Variants in EBF1 observed in about 807,000 individuals in gnomAD.
The protein encoded by EBF1 is EBF transcription factor 1.
In EBF1, 10 loss-of-function variants were observed where a neutral mutation model predicts 68.4. The observed-to-expected ratio is 0.15, with a 90% CI of 0.09 to 0.25. EBF1 has a LOEUF of 0.25. Ranked by LOEUF, EBF1 falls within the 10% of genes least tolerant of loss-of-function variation. The pLI is 1.00. For synonymous variants in EBF1, 298 were observed against 299.8 expected (o/e 0.99, Z 0.06); for missense variants, 509 against 794.4 (o/e 0.64, Z 4.32).
intron 7 of EBF1, among the ~76,000 whole-genome samples, chr5:158,831,336 A>G (rs951572956): frequency 3.3e-5 from 5 of 152,194 alleles, no homozygotes; most frequent in Admixed American, 2.6e-4. Flanking sequence ...CCCATCACTT[A>G]CTTGCTTGTA....
chr5:158,873,008 T>G (rs967027145), intron 6 of EBF1, among the ~76,000 whole-genome samples: 2 of 143,268 alleles, frequency 1.4e-5, no homozygotes, highest in African/African-American at 5.3e-5. Flanking sequence ...TTTTTTTTTT[T>G]TTTTTTTTTT....
chr5:158,979,267 T>C (rs1185690251), intron 6 of EBF1, among the ~76,000 whole-genome samples: 4 of 152,230 alleles, frequency 2.6e-5, no homozygotes, highest in Non-Finnish European at 5.9e-5. Context: ...TAGATAGGTA[T>C]ATTACACATT....
rs1014980440 is a variant in EBF1 at position 159,051,110 on chromosome 5, C to A, written c.554+22286G>T. Among the ~76,000 whole-genome samples the A allele has an allele frequency of 8.5e-5, 13 of 152,144 alleles. No homozygotes were observed. The East Asian group carries it at 2.5e-3, about 29-fold the overall frequency. ...CCTCTTAAAGGGATAGGAGAAGTCT[C>A]CTAACCAAGTAACCTATGAAAAACT... is the stretch of plus-strand genomic sequence containing the variant. On this transcript the variant is annotated intron_variant, in intron 6 of 15. Transcript: ENST00000313708.
At chr5:159,088,375 A>G (rs1781081826) in intron 4 of EBF1, among the ~76,000 whole-genome samples, 1 of 152,134 alleles carries the variant, frequency 6.6e-6, no homozygotes, top group Admixed American at 6.6e-5. Flanking sequence ...CAATTTTACC[A>G]TCTACATTTA....
At chr5:159,077,038 A>G (rs1011194738) in intron 5 of EBF1, among the ~76,000 whole-genome samples, 1 of 152,248 alleles carries the variant, frequency 6.6e-6, no homozygotes, top group African/African-American at 2.4e-5. Flanking sequence ...AAATGAAAGC[A>G]TGAAAGAGTG....
intron 15 of EBF1, among the ~76,000 whole-genome samples, chr5:158,706,405 C>T (rs1318783112): frequency 6.6e-6 from 1 of 152,010 alleles, no homozygotes; most frequent in East Asian, 1.9e-4. Context: ...GCTTGTGTTC[C>T]AGTTTAGCTG....
At chr5:158,896,444 A>G (rs1802196564) in intron 6 of EBF1, among the ~76,000 whole-genome samples, 1 of 152,212 alleles carries the variant, frequency 6.6e-6, no homozygotes, top group Non-Finnish European at 1.5e-5. Context: ...ACCATTTCTG[A>G]AGACCTGTAA....
At chr5:158,972,179 C>G (rs1194655118) in intron 6 of EBF1, among the ~76,000 whole-genome samples, 1 of 152,178 alleles carries the variant, frequency 6.6e-6, no homozygotes, top group Non-Finnish European at 1.5e-5. Flanking sequence ...ATTGTCTTTC[C>G]TGCCCACCTC....
intron 6 of EBF1, among the ~76,000 whole-genome samples, chr5:158,957,326 A>G (rs190465095): frequency 1.3e-5 from 2 of 152,362 alleles, no homozygotes; most frequent in Non-Finnish European, 1.5e-5. Flanking sequence ...TGGAATTTAA[A>G]TGACAAAGAT....
intron 6 of EBF1, among the ~76,000 whole-genome samples, chr5:159,035,034 T>C (rs573074336): frequency 6.6e-6 from 1 of 152,136 alleles, no homozygotes; most frequent in East Asian, 1.9e-4. Flanking sequence ...AATCAAAAAA[T>C]AAACCAGAAG....
intron 10 of EBF1, among the ~76,000 whole-genome samples, chr5:158,772,229 C>T (rs184403487): frequency 2.2e-4 from 33 of 152,260 alleles, no homozygotes; most frequent in Admixed American, 5.2e-4. Flanking sequence ...TGCAAACTCT[C>T]CACTTCTTCC....
At chr5:159,064,245 T>C (rs1776352798) in intron 6 of EBF1, among the ~76,000 whole-genome samples, 1 of 152,180 alleles carries the variant, frequency 6.6e-6, no homozygotes, top group Non-Finnish European at 1.5e-5. Flanking sequence ...CTAAGAAAGC[T>C]GGCTTGGTAA....
Position 158,957,539 on chromosome 5 carries a change from A to C in EBF1, c.554+115857T>G, listed in dbSNP as rs1278552069. On this transcript the variant is annotated intron_variant, in intron 6 of 15. Coordinates refer to ENST00000313708, the MANE Select transcript of EBF1 (RefSeq NM_024007.5). ...AGAACTCTCTGAACATTTTATCTCC[A>C]GAGCACTTGGTTAATCAAGGTTCAA... Among the ~76,000 whole-genome samples the C allele has an allele frequency of 2.0e-5, 3 of 152,260 alleles. No individual in the cohort carries two copies. The East Asian group carries it at 5.8e-4, about 29-fold the overall frequency.
chr5:158,761,411 C>T (rs190040123), intron 10 of EBF1, among the ~76,000 whole-genome samples: 29 of 152,278 alleles, frequency 1.9e-4, no homozygotes, highest in South Asian at 1.5e-3. Flanking sequence ...CCCCGAGTTC[C>T]GGGATGACTT....
At chr5:159,089,631 A>G (rs1781274754) in intron 4 of EBF1, among the ~76,000 whole-genome samples, 1 of 152,164 alleles carries the variant, frequency 6.6e-6, no homozygotes, top group South Asian at 2.1e-4. Flanking sequence ...TTCCACGACA[A>G]AATAAAGGCG....
At chr5:158,878,644 C>CTA (rs1554176173) in intron 6 of EBF1, among the ~76,000 whole-genome samples, 2 of 140,580 alleles carry the variant, frequency 1.4e-5, no homozygotes, top group Non-Finnish European at 3.0e-5. Flanking sequence ...TCTAGCCAGC[C>CTA]TTTTTTTTTT....
In EBF1 at chr5:158,713,071, G is replaced by A. The variant is rs750855534; in HGVS notation, c.1268C>T (p.Ala423Val). The change falls in exon 13 of 16, where the codon GCC becomes GTC. Residue 423 changes from alanine to valine, a missense_variant. Transcript: ENST00000313708. The part of the protein sequence containing the change: ...SVPRNHNQLP[A>V]LANTSVHAGM... ...TGCGTGGACCGAGGTGTTAGCAAGG[G>A]CCGGGAGTTGGTTGTGGTTGCGGGG... 17 of 1,597,824 alleles carry A rather than the reference G, an allele frequency of 1.1e-5. No homozygotes were observed. The African/African-American group carries it at 2.0e-4, about 19-fold the overall frequency.
chr5:158,910,093 G>C (rs1386518746), intron 6 of EBF1, among the ~76,000 whole-genome samples: 1 of 150,406 alleles, frequency 6.6e-6, no homozygotes, highest in Non-Finnish European at 1.5e-5. Flanking sequence ...TTGAAATGAA[G>C]AGACATTGTC....
chr5:158,877,890 AAAT>A (rs1403907640), intron 6 of EBF1, among the ~76,000 whole-genome samples: 15 of 152,024 alleles, frequency 9.9e-5, no homozygotes, highest in African/African-American at 3.6e-4. Context: ...ATTGCTCTGG[AAAT>A]AATAGCTTCC....
Sources: gnomAD v4.1 joint callset for allele counts (sites outside exome capture counted in the v4.1 genomes callset) on GRCh38, gnomAD v4.1.1 for gene constraint, MANE v1.5 for transcripts, NCBI Gene and HGNC (gene_info 2026-07-23, HGNC 2026-07-21) for gene names.